INTS6L: variants seen among roughly 807,000 people sequenced by gnomAD.
INTS6L encodes integrator complex subunit 6-like.
A neutral mutation model predicts 64.7 loss-of-function variants in INTS6L; 18 were observed. The observed-to-expected ratio is 0.28, with a 90% CI of 0.19 to 0.41. The LOEUF (loss-of-function observed/expected upper bound fraction) is 0.41, where lower values mean the gene tolerates loss of function less well. Ranked by LOEUF, INTS6L falls within the 10% of genes least tolerant of loss-of-function variation. The pLI, the probability that INTS6L is intolerant of heterozygous loss-of-function variation, is 1.00. For missense variants in INTS6L, 533 were observed against 661.0 expected (o/e 0.81, Z 2.12); for synonymous variants, 227 against 235.9 (o/e 0.96, Z 0.34).
intron 9 of INTS6L, among the ~76,000 whole-genome samples, chrX:135,568,160 G>GT (rs1330850853): frequency 3.6e-5 from 4 of 110,957 alleles, no homozygotes; most frequent in Non-Finnish European, 3.8e-5. Flanking sequence ...TTAGAAAAAT[G>GT]TTTTTTTCTT....
intron 14 of INTS6L, 42 bp downstream of exon 14, chrX:135,575,268 T>A: frequency 8.6e-7 from 1 of 1,160,283 alleles, no homozygotes; most frequent in Non-Finnish European, 1.2e-6. Context: ...TGGGATATTC[T>A]TGCTATATAA....
chrX:135,521,145 G>A, intron 1 of INTS6L, 42 bp downstream of exon 1: 2 of 1,185,722 alleles, frequency 1.7e-6, no homozygotes, highest in Non-Finnish European at 2.3e-6. Flanking sequence ...GCTCCCGAGG[G>A]ATTTCAGGGT....
chrX:135,579,585 A>G (rs1556532824), intron 15 of INTS6L, among the ~76,000 whole-genome samples: 1 of 112,079 alleles, frequency 8.9e-6, no homozygotes, highest in African/African-American at 3.2e-5. Context: ...TGGTTTCCAT[A>G]TGTATTCATA....
At chrX:135,531,351 C>T (rs902104436) in intron 2 of INTS6L, among the ~76,000 whole-genome samples, 1 of 112,197 alleles carries the variant, frequency 8.9e-6, no homozygotes, top group Non-Finnish European at 1.9e-5. Flanking sequence ...CACACTGATG[C>T]TTCACCATCT....
chrX:135,553,168 CAGAG>C (rs201121949), intron 8 of INTS6L, among the ~76,000 whole-genome samples: 1 of 111,630 alleles, frequency 9.0e-6, no homozygotes, highest in African/African-American at 3.3e-5. Flanking sequence ...TATATACTTT[CAGAG>C]AGAGATAAAA....
intron 2 of INTS6L, among the ~76,000 whole-genome samples, chrX:135,521,569 A>T (rs1354024261): frequency 1.8e-5 from 2 of 110,672 alleles, no homozygotes. Context: ...TCGTGGCGCG[A>T]CAACCGCAGC....
chrX:135,577,312 G>T lies in INTS6L; in HGVS notation c.2004G>T (p.Leu668Phe). The change falls in exon 15 of 18, where the codon TTG becomes TTT. Residue 668 changes from leucine to phenylalanine, a missense_variant. Physicochemically the swap from Leu to Phe is conservative, Grantham distance 22 (BLOSUM62 0). Transcript: ENST00000639893. The stretch of plus-strand genomic sequence containing the variant: ...GAAGGCGGAGTATGTCCCTGCTGTT[G>T]AGGAAACCACAAACACCACCTACTG... ...SKRRRSMSLL[L>F]RKPQTPPTVT... 1 of 1,211,573 alleles carries T rather than the reference G, an allele frequency of 8.3e-7. No homozygotes were observed. Among genetic ancestry groups the T allele is most frequent in the Non-Finnish European group, 1.1e-6 (1 of 895,463 alleles).
In INTS6L at chrX:135,579,890, T is replaced by C; in HGVS notation, c.2222T>C (p.Met741Thr). ...TCTGCTCCATCAGAGCTTATAAATA[T>C]GACAGGAGATCTTATGCCACCCAAC... The part of the protein sequence containing the change: ...SKSAPSELIN[M>T]TGDLMPPNQV... Residue 741 changes from methionine (M) to threonine (T), a missense_variant, in exon 16 of 18, where the codon ATG becomes ACG. Transcript: ENST00000639893. 1 of 1,211,710 alleles carries C rather than the reference T, an allele frequency of 8.3e-7. No individual in the cohort carries two copies. Among genetic ancestry groups the C allele is most frequent in the Non-Finnish European group, 1.1e-6 (1 of 895,479 alleles).
Position 135,569,418 on chromosome X carries a change from C to G in INTS6L, c.1274C>G (p.Pro425Arg). The G allele has an allele frequency of 8.6e-7, 1 of 1,166,816 alleles. No homozygotes were observed. The highest frequency in any genetic ancestry group is 2.0e-5 in the South Asian group (1 of 51,055). ...AFDSYLKTLP[P>R]YYLLPLKKAL... ...GACAGCTACTTAAAAACTCTGCCTC[C>G]ATACTACCTATTAGTATGTATTTGT... is the stretch of plus-strand genomic sequence containing the variant. The change falls in exon 10 of 18, where the codon CCA becomes CGA. Residue 425 changes from proline to arginine, a missense_variant. Physicochemically the swap from Pro to Arg is moderately radical, Grantham distance 103. Coordinates refer to ENST00000639893, the MANE Select transcript of INTS6L (RefSeq NM_001351601.3).
chrX:135,521,337 G>A lies in INTS6L; in HGVS notation c.189+19G>A. 1 of 1,186,446 alleles carries A rather than the reference G, an allele frequency of 8.4e-7. No individual in the cohort carries two copies. The highest frequency in any genetic ancestry group is 1.1e-6 in the Non-Finnish European group (1 of 881,970). On this transcript the variant is annotated intron_variant, in intron 2 of 17. Transcript: ENST00000639893. ...CATCAAGGTAAAGGGGCTACGGGTG[G>A]GGGGACAGGCGGGAAGCGGGAGCAA...
At chrX:135,549,909 G>A in intron 7 of INTS6L, 104 bp downstream of exon 7, 1 of 922,202 alleles carries the variant, frequency 1.1e-6, no homozygotes, top group Non-Finnish European at 1.5e-6. Flanking sequence ...CCATGCCACA[G>A]GCAAGTAAGT....
intron 13 of INTS6L, among the ~76,000 whole-genome samples, chrX:135,574,340 T>C (rs1018297035): frequency 9.0e-6 from 1 of 110,994 alleles, no homozygotes; most frequent in African/African-American, 3.3e-5. Context: ...TTATGTCCAA[T>C]TCATGGACAT....
At chrX:135,577,543 C>T (rs2087264039) in intron 15 of INTS6L, 116 bp downstream of exon 15, 1 of 722,915 alleles carries the variant, frequency 1.4e-6, no homozygotes. Flanking sequence ...ATTAAGTAAG[C>T]CATTACTAAA....
In INTS6L at chrX:135,573,043, G is replaced by A; in HGVS notation, c.1617+10G>A. The stretch of plus-strand genomic sequence containing the variant: ...TGGGCTCTTAAACAAGGTAAATTGT[G>A]ACATAAATAGTTTGTATTTGTTTGA... On this transcript the variant is annotated intron_variant, in intron 12 of 17. Transcript: ENST00000639893. 1 of 1,162,605 alleles carries A rather than the reference G, an allele frequency of 8.6e-7. No individual in the cohort carries two copies. Among genetic ancestry groups the A allele is most frequent in the Non-Finnish European group, 1.2e-6 (1 of 855,842 alleles).
chrX:135,561,664 T>C (rs1556522320), intron 9 of INTS6L, among the ~76,000 whole-genome samples: 1 of 112,578 alleles, frequency 8.9e-6, no homozygotes. Flanking sequence ...TTCTAAACAT[T>C]CCTGTTGGGA....
intron 11 of INTS6L, 68 bp from the exon 12 acceptor site, chrX:135,572,747 T>C: frequency 1.1e-6 from 1 of 934,337 alleles, no homozygotes; most frequent in Non-Finnish European, 1.5e-6. Flanking sequence ...GTATTATCTT[T>C]CTTAAGTAGT....
chrX:135,560,715 G>A (rs1191749075), intron 9 of INTS6L, among the ~76,000 whole-genome samples: 1 of 109,425 alleles, frequency 9.1e-6, no homozygotes, highest in Non-Finnish European at 1.9e-5. Context: ...GTGGTGGCAC[G>A]CACCTGTAGT....
Position 135,521,083 on chromosome X carries a change from G to A in INTS6L, c.91G>A (p.Ala31Thr), listed in dbSNP as rs1375466487. The A allele has an allele frequency of 8.3e-7, 1 of 1,209,182 alleles. No homozygotes were observed. The highest frequency in any genetic ancestry group is 2.2e-5 in the Admixed American group (1 of 45,810). The change falls in exon 1 of 18, where the codon GCT becomes ACT. Residue 31 changes from alanine (A) to threonine (T), a missense_variant. By Grantham distance (58) the Ala-to-Thr change is moderately conservative. Coordinates refer to ENST00000639893, the MANE Select transcript of INTS6L (RefSeq NM_001351601.3). ...GTSYLDIAKG[A>T]VELFLKLRAR... ...CTCTTATTTGGACATTGCCAAAGGC[G>A]CTGTGGAGTTATTCTTGAAGGTAAA...
chrX:135,564,688 C>T lies in INTS6L; in HGVS notation c.1193-4649C>T, dbSNP rs782404027. Among the ~76,000 whole-genome samples the T allele has an allele frequency of 8.4e-5, 9 of 106,666 alleles. No individual in the cohort carries two copies. The East Asian group carries it at 1.5e-3, about 17-fold the overall frequency. The allele number at this position is 106,666 out of a possible 115,157, so 92.6% of individuals were successfully genotyped here. ...CAAAGGTTGTAGTGAGCCCAGATCA[C>T]GCCACTGCACTCCAGCCTGGGTGTT... On this transcript the variant is annotated intron_variant, in intron 9 of 17. Transcript: ENST00000639893.
Sources: allele counts gnomAD v4.1 joint callset (sites outside exome capture counted in the v4.1 genomes callset), GRCh38; gene constraint gnomAD v4.1.1; transcripts MANE v1.5; gene names NCBI Gene and HGNC (gene_info 2026-07-23, HGNC 2026-07-21).